Variants in GTF2IRD1 observed in about 807,000 individuals in gnomAD.
GTF2IRD1 encodes the protein general transcription factor II-I repeat domain-containing protein 1.
Under a neutral mutation model 113.2 loss-of-function variants are expected in GTF2IRD1, and 26 were observed. The ratio of observed to expected loss-of-function variants is 0.23; its 90% CI spans 0.17 to 0.32. The LOEUF (loss-of-function observed/expected upper bound fraction) is 0.32, where lower values mean the gene tolerates loss of function less well. Ranked by LOEUF, GTF2IRD1 falls within the 10% of genes least tolerant of loss-of-function variation. The pLI is 1.00. For missense variants in GTF2IRD1, 864 were observed against 1,280.8 expected (o/e 0.67, Z 4.97); for synonymous variants, 484 against 529.1 (o/e 0.91, Z 1.17).
intron 1 of GTF2IRD1, among the ~76,000 whole-genome samples, chr7:74,490,179 G>A (rs530609347): frequency 2.2e-4 from 34 of 152,046 alleles, no homozygotes; most frequent in Non-Finnish European, 4.7e-4. Flanking sequence ...TGCTGCCCAG[G>A]CTGATCTTGA....
intron 17 of GTF2IRD1, among the ~76,000 whole-genome samples, chr7:74,552,877 G>C (rs1799392995): frequency 6.6e-6 from 1 of 151,876 alleles, no homozygotes; most frequent in South Asian, 2.1e-4. Context: ...TCACTCTATT[G>C]CCCAGGCTGG....
chr7:74,529,994 G>T (rs1228357753), intron 9 of GTF2IRD1, 77 bp downstream of exon 9: 3 of 1,097,870 alleles, frequency 2.7e-6, no homozygotes, highest in Non-Finnish European at 4.0e-6. Flanking sequence ...CAGATCGCTT[G>T]AGGCCAGGAG....
intron 8 of GTF2IRD1, 78 bp from the exon 9 acceptor site, chr7:74,529,656 T>C: frequency 8.0e-7 from 1 of 1,247,560 alleles, no homozygotes; most frequent in Non-Finnish European, 1.1e-6. Context: ...TGGGAGGTGA[T>C]GGGGACCGCA....
At position 74,535,098 on chromosome 7, in the gene GTF2IRD1, C is replaced by G. The variant is rs1554349898; in HGVS notation, c.1275-15C>G. ...GCCTGCACTGTTCTCATGCCTGTCT[C>G]TCTTCTCTCCCCAGGATGTTTGATG... On this transcript the variant is annotated splice_polypyrimidine_tract_variant and intron_variant, in intron 9 of 26. Transcript: ENST00000424337. 3 of 1,611,574 alleles carry G rather than the reference C, an allele frequency of 1.9e-6. No homozygotes were observed. Among genetic ancestry groups the G allele is most frequent in the Non-Finnish European group, 2.5e-6 (3 of 1,177,708 alleles).
In GTF2IRD1 at chr7:74,575,134, A is replaced by G. The variant is rs111291653; in HGVS notation, c.2321-14717A>G. Among the ~76,000 whole-genome samples the G allele has an allele frequency of 3.0e-3, 461 of 152,226 alleles. 7 individuals carry two copies. The highest frequency in any genetic ancestry group is 0.011 in the African/African-American group (439 of 41,536). ...AAAAACCCAGCCTCACGGAGCCTAC[A>G]TGGTGGGGCGGGGGGATAAACAGAA... On this transcript the variant is annotated intron_variant, in intron 22 of 26. Transcript: ENST00000424337.
At chr7:74,521,154 G>T in intron 6 of GTF2IRD1, 54 bp from the exon 7 acceptor site, 1 of 1,034,172 alleles carries the variant, frequency 9.7e-7, no homozygotes, top group South Asian at 1.3e-5. Context: ...GGCCAGATCT[G>T]GGGAACCCTC....
At chr7:74,489,333 T>C (rs566067680) in intron 1 of GTF2IRD1, among the ~76,000 whole-genome samples, 14 of 152,046 alleles carry the variant, frequency 9.2e-5, no homozygotes, top group African/African-American at 3.4e-4. Flanking sequence ...AAGGAGGACA[T>C]CCCTGGTTTC....
intron 22 of GTF2IRD1, among the ~76,000 whole-genome samples, chr7:74,562,671 G>C (rs1554359487): frequency 7.5e-6 from 1 of 133,468 alleles, no homozygotes. Context: ...AGGTTCAAAT[G>C]ATTCTCCTGC....
At position 74,529,834 on chromosome 7, in the gene GTF2IRD1, C is replaced by T; in HGVS notation, c.1191C>T (p.Pro397=). ...TCGTGGGCATCCCGGACAAGATCCC[C>T]TTCAAGCGCCCCTGCACTTATGGAG... ...VEIVGIPDKI[P]FKRPCTYGVP... Residue 397 remains proline, a synonymous_variant, in exon 9 of 27, where the codon CCC becomes CCT. Transcript: ENST00000424337. The T allele has an allele frequency of 6.2e-7, 1 of 1,613,910 alleles. No homozygotes were observed. Among genetic ancestry groups the T allele is most frequent in the Non-Finnish European group, 8.5e-7 (1 of 1,179,920 alleles).
chr7:74,540,651 G>A (rs1212795572), intron 14 of GTF2IRD1, among the ~76,000 whole-genome samples: 1 of 151,276 alleles, frequency 6.6e-6, no homozygotes, highest in Non-Finnish European at 1.5e-5. Context: ...TGGATAGTAC[G>A]CAAATAAGTA....
intron 1 of GTF2IRD1, among the ~76,000 whole-genome samples, chr7:74,461,837 C>G (rs1793390194): frequency 6.6e-6 from 1 of 152,146 alleles, no homozygotes; most frequent in Non-Finnish European, 1.5e-5. Context: ...CCTTGACTTC[C>G]CGGAGTGCTG....
intron 1 of GTF2IRD1, among the ~76,000 whole-genome samples, chr7:74,461,720 G>A (rs904767017): frequency 1.1e-4 from 17 of 152,040 alleles, no homozygotes; most frequent in Admixed American, 1.0e-3. Flanking sequence ...CTGGGATTAT[G>A]GGTGCATGCC....
intron 22 of GTF2IRD1, among the ~76,000 whole-genome samples, chr7:74,585,466 T>C (rs1801668253): frequency 6.6e-6 from 1 of 152,138 alleles, no homozygotes; most frequent in Non-Finnish European, 1.5e-5. Context: ...GCAGGTTTCG[T>C]AGAGCTCTGA....
At chr7:74,578,798 C>T (rs1235449918) in intron 22 of GTF2IRD1, among the ~76,000 whole-genome samples, 1 of 152,088 alleles carries the variant, frequency 6.6e-6, no homozygotes. Flanking sequence ...GAGTTTGAGA[C>T]CAGCCTGGGC....
rs1257387370 is a variant in GTF2IRD1 at position 74,528,762 on chromosome 7, G to A, written c.1091-972G>A. 2.2e-3 allele frequency among the ~76,000 whole-genome samples: 265 copies of A among 120,648 alleles called. 1 individual carries two copies. The highest frequency in any genetic ancestry group is 2.6e-3 in the Non-Finnish European group (143 of 54,144). 79.1% of individuals were successfully genotyped at this position (120,648 alleles called of 152,430 possible). On this transcript the variant is annotated intron_variant, in intron 8 of 26. Transcript: ENST00000424337. Reference sequence around the variant, plus strand: ...GGATGGATGGATGGATGGATGAATGGATGGATGGGCAGATGGATATACAGC... The same window carrying A: ...GGATGGATGGATGGATGGATGAATGAATGGATGGGCAGATGGATATACAGC...
At chr7:74,577,759 C>G (rs1301624097) in intron 22 of GTF2IRD1, among the ~76,000 whole-genome samples, 1 of 152,068 alleles carries the variant, frequency 6.6e-6, no homozygotes, top group Non-Finnish European at 1.5e-5. Context: ...TCAAACCATC[C>G]TTACCACCTC....
intron 22 of GTF2IRD1, among the ~76,000 whole-genome samples, chr7:74,578,469 C>T (rs1801213581): frequency 6.6e-6 from 1 of 152,222 alleles, no homozygotes; most frequent in Non-Finnish European, 1.5e-5. Context: ...AGCCACCGCG[C>T]CCAGCCTATA....
chr7:74,508,079 C>T lies in GTF2IRD1; in HGVS notation c.-2C>T. 1 of 1,606,018 alleles carries T rather than the reference C, an allele frequency of 6.2e-7. No homozygotes were observed. The highest frequency in any genetic ancestry group is 1.1e-5 in the South Asian group (1 of 90,864). Reference sequence around the variant, plus strand: ...CTGCCTCCTCCCTCCCCACAGGCGACCATGGCCTTGCTGGGTAAGCGCTGT... The same window carrying T: ...CTGCCTCCTCCCTCCCCACAGGCGATCATGGCCTTGCTGGGTAAGCGCTGT... On this transcript the variant is annotated 5_prime_UTR_variant, in exon 2 of 27. Coordinates refer to ENST00000424337, the MANE Select transcript of GTF2IRD1 (RefSeq NM_005685.4).
At chr7:74,575,004 C>T (rs1048580743) in intron 22 of GTF2IRD1, among the ~76,000 whole-genome samples, 18 of 152,032 alleles carry the variant, frequency 1.2e-4, no homozygotes, top group Admixed American at 3.9e-4. Context: ...GCAGGAGAAT[C>T]GCTTGAACCC....
Sources: gnomAD v4.1 joint callset for allele counts (sites outside exome capture counted in the v4.1 genomes callset) on GRCh38, gnomAD v4.1.1 for gene constraint, MANE v1.5 for transcripts, NCBI Gene and HGNC (gene_info 2026-07-23, HGNC 2026-07-21) for gene names.